The following EXD3 variants were observed in gnomAD, a reference collection of about 807,000 sequenced individuals.
The protein encoded by EXD3 is exonuclease 3'-5' domain containing 3, also known as exonuclease mut-7 homolog.
EXD3 carries 92 observed loss-of-function variants against 98.0 expected under a neutral mutation model. The ratio of observed to expected loss-of-function variants is 0.94; its 90% CI spans 0.79 to 1.12. The LOEUF is 1.12. Among genes scored for constraint, EXD3 ranks in the 50% most tolerant of loss-of-function variants. The pLI, the probability that EXD3 is intolerant of heterozygous loss-of-function variation, is 0.00. For synonymous variants in EXD3, 569 were observed against 526.0 expected (o/e 1.08, Z -1.12); for missense variants, 1,222 against 1,191.6 (o/e 1.03, Z -0.38).
rs1837184897 is a variant in EXD3, at chr9:137,395,710, G to T, written c.-47-306C>A. 6.6e-6 allele frequency among the ~76,000 whole-genome samples: 1 copy of T among 152,146 alleles called. No individual in the cohort carries two copies. The highest frequency in any genetic ancestry group is 1.5e-5 in the Non-Finnish European group (1 of 68,010). ...ACAGACCCTCGCGGGAGTGCAGAGGGGCCTGTTCTTGAGGACAGCGTGACC... is the reference window on the plus strand; with the variant it reads ...ACAGACCCTCGCGGGAGTGCAGAGGTGCCTGTTCTTGAGGACAGCGTGACC... On this transcript the variant is annotated intron_variant, in intron 1 of 21. Transcript: ENST00000340951. This position sits in a 1 kb window ranked among gnomAD's most constrained non-coding sequence, Gnocchi z 6.5.
intron 19 of EXD3, among the ~76,000 whole-genome samples, chr9:137,315,864 C>A (rs1831620506): frequency 6.6e-6 from 1 of 151,672 alleles, no homozygotes; most frequent in African/African-American, 2.4e-5. Flanking sequence ...AGAAGCCGGG[C>A]CACACAGGGT....
chr9:137,368,494 C>T lies in EXD3; in HGVS notation c.463-505G>A, dbSNP rs1216369943. The stretch of plus-strand genomic sequence containing the variant: ...TCCCACGAGGCGGAGACGGGCACCC[C>T]GCGAGCGCTCCAAGGCCACACTGGC... On this transcript the variant is annotated intron_variant, in intron 5 of 21. Transcript: ENST00000340951. Among the ~76,000 whole-genome samples, 3 of 152,210 alleles carry T rather than the reference C, an allele frequency of 2.0e-5. No homozygotes were observed. In the East Asian group the frequency reaches 5.8e-4, roughly 29 times the overall value.
chr9:137,350,913 A>T, intron 14 of EXD3, 125 bp downstream of exon 14: 1 of 735,968 alleles, frequency 1.4e-6, no homozygotes, highest in Non-Finnish European at 2.3e-6. Context: ...CTGGTGACTG[A>T]GGCTGTGCTG....
intron 10 of EXD3, chr9:137,353,087 G>A: frequency 1.6e-6 from 2 of 1,231,322 alleles, no homozygotes; most frequent in Non-Finnish European, 2.0e-6. Flanking sequence ...GCCCCAGCTG[G>A]CCCCTCCTGG....
intron 3 of EXD3, among the ~76,000 whole-genome samples, chr9:137,379,343 A>G (rs28651166): frequency 2.4e-3 from 49 of 20,140 alleles, no homozygotes; most frequent in East Asian, 0.018. Context: ...TGAGGGGTAC[A>G]GGGTTTGCGG....
rs1419246518 is a variant in EXD3 at position 137,328,590 on chromosome 9, GACTACAC to G, written c.1999-4454_1999-4448del. On this transcript the variant is annotated intron_variant, in intron 17 of 21. Coordinates refer to ENST00000340951, the MANE Select transcript of EXD3 (RefSeq NM_017820.5). The stretch of plus-strand genomic sequence containing the variant: ...GACTAGTTACACAGGAGCTACACGG[GACTACAC>G]GGGACTACACGGGGCTACACGGGAC... Among the ~76,000 whole-genome samples the G allele has an allele frequency of 5.4e-3, 109 of 20,284 alleles. 12 individuals carry two copies. The East Asian group carries it at 0.28, about 52-fold the overall frequency. 13.3% of individuals were successfully genotyped at this position (20,284 alleles called of 152,430 possible).
intron 19 of EXD3, among the ~76,000 whole-genome samples, chr9:137,321,022 C>G (rs1311700512): frequency 2.0e-5 from 3 of 152,318 alleles, no homozygotes; most frequent in East Asian, 3.9e-4. Flanking sequence ...GCAGAGGCCG[C>G]GGTCCCCGCA....
chr9:137,417,103 G>C (rs1342729071), intron 1 of EXD3, among the ~76,000 whole-genome samples: 1 of 152,218 alleles, frequency 6.6e-6, no homozygotes, highest in East Asian at 1.9e-4. Flanking sequence ...CCGAGCTCCC[G>C]GGCAAAGCCG....
At position 137,373,909 on chromosome 9, in the gene EXD3, T is replaced by C. The variant is rs530381841; in HGVS notation, c.121-310A>G. ...CCGAGCCACAGGTTCACAAGTCACT[T>C]TACCTGCGGCACTCGCGGGACACGG... On this transcript the variant is annotated intron_variant, in intron 3 of 21. Coordinates refer to ENST00000340951, the MANE Select transcript of EXD3 (RefSeq NM_017820.5). Among the ~76,000 whole-genome samples the C allele has an allele frequency of 2.0e-5, 3 of 152,342 alleles. No homozygotes were observed. In the South Asian group the frequency reaches 6.2e-4, roughly 32 times the overall value.
intron 1 of EXD3, among the ~76,000 whole-genome samples, chr9:137,416,491 G>A (rs1215792744): frequency 1.3e-5 from 2 of 152,222 alleles, no homozygotes; most frequent in East Asian, 1.9e-4. Flanking sequence ...AGAAACATCC[G>A]GCCGGCCCAG....
chr9:137,353,988 C>T (rs1834464030), intron 10 of EXD3: 7 of 1,112,162 alleles, frequency 6.3e-6, no homozygotes, highest in Non-Finnish European at 7.7e-6. Flanking sequence ...GGGGCCTGGC[C>T]TTCCTCCTTC....
Position 137,371,750 on chromosome 9 carries a change from C to A in EXD3, c.462+1155G>T, listed in dbSNP as rs1293337148. On this transcript the variant is annotated intron_variant, in intron 5 of 21. Transcript: ENST00000340951. The surrounding 1 kb of genome is among the most constrained non-coding windows in gnomAD (Gnocchi z 8.0). ...GGCCAAGCACCCCCGGGCCGAGCAC[C>A]CCCAAGCAGGACATCCCCTGGCAGG... is the stretch of plus-strand genomic sequence containing the variant. Among the ~76,000 whole-genome samples the A allele has an allele frequency of 6.6e-6, 1 of 151,884 alleles. No homozygotes were observed. The highest frequency in any genetic ancestry group is 1.5e-5 in the Non-Finnish European group (1 of 67,902).
chr9:137,310,908 A>AC (rs1387955901), intron 19 of EXD3, among the ~76,000 whole-genome samples: 1 of 151,770 alleles, frequency 6.6e-6, no homozygotes, highest in Non-Finnish European at 1.5e-5. Flanking sequence ...CTATTCCAGG[A>AC]CCCCTCCCCA....
chr9:137,355,484 A>G, intron 8 of EXD3, among the ~76,000 whole-genome samples: 1 of 127,162 alleles, frequency 7.9e-6, no homozygotes, highest in South Asian at 2.2e-4. Context: ...AGGAAGGAGG[A>G]AGGAGGATGG....
In EXD3 at chr9:137,349,781, C is replaced by T. The variant is rs913592670; in HGVS notation, c.1495-250G>A. 8.5e-5 allele frequency among the ~76,000 whole-genome samples: 13 copies of T among 152,258 alleles called. No homozygotes were observed. Among genetic ancestry groups the T allele is most frequent in the African/African-American group, 2.6e-4 (11 of 41,570 alleles). On this transcript the variant is annotated intron_variant, in intron 14 of 21. Coordinates refer to ENST00000340951, the MANE Select transcript of EXD3 (RefSeq NM_017820.5). This position sits in a 1 kb window ranked among gnomAD's most constrained non-coding sequence, Gnocchi z 7.4. The stretch of plus-strand genomic sequence containing the variant: ...CTGGTCAGCAGTCCCACGGTAACCC[C>T]GCCCAGCCCCTCACAGCCTCAGAGA...
chr9:137,340,421 G>A (rs991288124), intron 17 of EXD3, among the ~76,000 whole-genome samples: 27 of 151,888 alleles, frequency 1.8e-4, no homozygotes, highest in Admixed American at 8.5e-4. Flanking sequence ...AGGTTGCAGT[G>A]AGCCGAGATC....
intron 17 of EXD3, among the ~76,000 whole-genome samples, chr9:137,335,196 A>C (rs746528180): frequency 3.3e-5 from 5 of 152,210 alleles, no homozygotes; most frequent in Non-Finnish European, 5.9e-5. Flanking sequence ...AACTCAAACA[A>C]ATCCGCAAGA....
rs1395931522 is a variant in EXD3, at chr9:137,307,248, G to A, written c.2333C>T (p.Ala778Val). Residue 778 changes from alanine (A) to valine (V), a missense_variant, in exon 22 of 22, where the codon GCA becomes GTA. Ala to Val is a moderately conservative substitution (Grantham distance 64). Coordinates refer to ENST00000340951, the MANE Select transcript of EXD3 (RefSeq NM_017820.5). ...GTCATAGGTGCAGCCCTCAGGGGCTGCGTCTGGGGCTGGGCCTGGACAGAT... is the reference window on the plus strand; with the variant it reads ...GTCATAGGTGCAGCCCTCAGGGGCTACGTCTGGGGCTGGGCCTGGACAGAT... The part of the protein sequence containing the change: ...AVQEPGPAPD[A>V]APEGCTYDRP... 1 of 1,543,938 alleles carries A rather than the reference G, an allele frequency of 6.5e-7. No individual in the cohort carries two copies. Among genetic ancestry groups the A allele is most frequent in the Non-Finnish European group, 8.7e-7 (1 of 1,146,570 alleles).
At chr9:137,332,687 A>C (rs1441881921) in intron 17 of EXD3, among the ~76,000 whole-genome samples, 1 of 151,128 alleles carries the variant, frequency 6.6e-6, no homozygotes, top group Non-Finnish European at 1.5e-5. Context: ...ACTAAAAAGC[A>C]CAAAAAAACT....
Sources: gnomAD v4.1 joint callset for allele counts (sites outside exome capture counted in the v4.1 genomes callset) on GRCh38, gnomAD v4.1.1 for gene constraint, Gnocchi (gnomAD v3.1) non-coding constraint, MANE v1.5 for transcripts, NCBI Gene and HGNC (gene_info 2026-07-23, HGNC 2026-07-21) for gene names.